Variants in ALG14 observed in about 807,000 individuals in gnomAD.
ALG14 encodes the protein UDP-N-acetylglucosamine transferase subunit ALG14.
A neutral mutation model predicts 22.8 loss-of-function variants in ALG14; 17 were observed. That is an observed-to-expected ratio of 0.75 (90% CI 0.51 to 1.12). The LOEUF is 1.12. ALG14 is among the 50% of genes most tolerant of loss of function. The pLI is 0.00. For missense variants in ALG14, 288 were observed against 271.8 expected (o/e 1.06, Z -0.42); for synonymous variants, 89 against 103.7 (o/e 0.86, Z 0.86).
At chr1:95,027,715 A>T (rs753993557) in intron 2 of ALG14, among the ~76,000 whole-genome samples, 7 of 152,210 alleles carry the variant, frequency 4.6e-5, no homozygotes, top group Non-Finnish European at 1.0e-4. Context: ...CGCCTACCTG[A>T]TTGGCAACGA....
intron 3 of ALG14, among the ~76,000 whole-genome samples, chr1:95,003,807 C>A (rs961115635): frequency 6.6e-6 from 1 of 151,916 alleles, no homozygotes; most frequent in Non-Finnish European, 1.5e-5. Flanking sequence ...AAATATAGCA[C>A]TTTTGTTTTC....
Position 95,018,497 on chromosome 1 carries a change from A to G in ALG14, c.420+8632T>C, listed in dbSNP as rs181164705. Among the ~76,000 whole-genome samples, 23 of 152,120 alleles carry G rather than the reference A, an allele frequency of 1.5e-4. No homozygotes were observed. In the East Asian group the frequency reaches 2.7e-3, roughly 18 times the overall value. Reference sequence around the variant, plus strand: ...GTTGCAGTAAGCCGAGCTCATGTCAATGCACTCCAGCCTGGGTGACAGAGC... The same window carrying G: ...GTTGCAGTAAGCCGAGCTCATGTCAGTGCACTCCAGCCTGGGTGACAGAGC... On this transcript the variant is annotated intron_variant, in intron 3 of 3. Coordinates refer to ENST00000370205, the MANE Select transcript of ALG14 (RefSeq NM_144988.4).
chr1:95,009,082 T>C (rs1673293494), intron 3 of ALG14, among the ~76,000 whole-genome samples: 1 of 152,132 alleles, frequency 6.6e-6, no homozygotes. Flanking sequence ...GTTTCTACCT[T>C]TTGACTTGTG....
intron 2 of ALG14, among the ~76,000 whole-genome samples, chr1:95,045,858 AG>A (rs1674532325): frequency 6.7e-6 from 1 of 148,798 alleles, no homozygotes; most frequent in Non-Finnish European, 1.5e-5. Flanking sequence ...TAATAGAATT[AG>A]TATACTAATA....
At chr1:95,068,553 T>C (rs1228172852) in intron 1 of ALG14, among the ~76,000 whole-genome samples, 1 of 152,114 alleles carries the variant, frequency 6.6e-6, no homozygotes, top group Non-Finnish European at 1.5e-5. Flanking sequence ...GCCTCCCAAA[T>C]TGCTGGGATT....
chr1:95,042,414 C>T (rs1674409275), intron 2 of ALG14, among the ~76,000 whole-genome samples: 1 of 152,126 alleles, frequency 6.6e-6, no homozygotes, highest in South Asian at 2.1e-4. Context: ...TTCTTGGCAC[C>T]ATGTCTTCTG....
intron 3 of ALG14, among the ~76,000 whole-genome samples, chr1:95,011,385 G>A (rs1307783642): frequency 1.3e-5 from 2 of 151,972 alleles, no homozygotes; most frequent in East Asian, 3.9e-4. Context: ...CCTTAACTGT[G>A]GACTTCCCAG....
intron 3 of ALG14, among the ~76,000 whole-genome samples, chr1:94,990,652 C>A (rs994717041): frequency 6.6e-6 from 1 of 152,198 alleles, no homozygotes; most frequent in Non-Finnish European, 1.5e-5. Context: ...TAGCCACTTG[C>A]CGATTTCTCT....
At chr1:95,050,705 T>C (rs961523782) in intron 2 of ALG14, among the ~76,000 whole-genome samples, 28 of 152,106 alleles carry the variant, frequency 1.8e-4, no homozygotes, top group African/African-American at 5.6e-4. Flanking sequence ...TTTCAGGGCC[T>C]CTAAAGGATG....
intron 3 of ALG14, among the ~76,000 whole-genome samples, chr1:95,017,030 G>A (rs1030905551): frequency 2.0e-5 from 3 of 147,170 alleles, no homozygotes; most frequent in Non-Finnish European, 4.5e-5. Context: ...CAAATATGTG[G>A]TCCCAATACT....
chr1:95,001,357 T>C (rs1026205677), intron 3 of ALG14, among the ~76,000 whole-genome samples: 1 of 152,182 alleles, frequency 6.6e-6, no homozygotes, highest in African/African-American at 2.4e-5. Flanking sequence ...GTGTGCTGGA[T>C]AGGGAAAAAC....
intron 3 of ALG14, among the ~76,000 whole-genome samples, chr1:95,003,884 AT>A (rs1673135355): frequency 2.0e-5 from 3 of 152,278 alleles, no homozygotes; most frequent in African/African-American, 4.8e-5. Context: ...TATAACATCC[AT>A]TTTTTGATTC....
intron 3 of ALG14, among the ~76,000 whole-genome samples, chr1:95,000,927 T>C (rs1039087201): frequency 6.6e-6 from 1 of 152,240 alleles, no homozygotes; most frequent in South Asian, 2.1e-4. Context: ...AAAATGGCAG[T>C]TAACACACAC....
At chr1:95,068,738 T>C (rs1437737466) in intron 1 of ALG14, among the ~76,000 whole-genome samples, 2 of 152,210 alleles carry the variant, frequency 1.3e-5, no homozygotes, top group Non-Finnish European at 2.9e-5. Flanking sequence ...TTGGCATGGT[T>C]CTTTCAGGCC....
At chr1:95,055,622 A>G (rs1571662682) in intron 2 of ALG14, among the ~76,000 whole-genome samples, 1 of 152,124 alleles carries the variant, frequency 6.6e-6, no homozygotes, top group East Asian at 1.9e-4. Context: ...AATTTAATGC[A>G]AATAAAGATA....
chr1:95,018,951 A>G (rs1451984122), intron 3 of ALG14, among the ~76,000 whole-genome samples: 1 of 152,266 alleles, frequency 6.6e-6, no homozygotes, highest in African/African-American at 2.4e-5. Context: ...TGGAACTTTA[A>G]GATGTAGACA....
intron 2 of ALG14, among the ~76,000 whole-genome samples, chr1:95,045,664 G>A (rs1674523051): frequency 6.9e-6 from 1 of 144,492 alleles, no homozygotes; most frequent in Non-Finnish European, 1.5e-5. Flanking sequence ...TAACAGAATG[G>A]TATACTAATA....
intron 2 of ALG14, among the ~76,000 whole-genome samples, chr1:95,050,911 G>A (rs1168259716): frequency 6.8e-6 from 1 of 147,716 alleles, no homozygotes; most frequent in Non-Finnish European, 1.5e-5. Context: ...TGTCACCCAG[G>A]CTGAAGTGCA....
At chr1:95,035,812 C>A (rs1674169111) in intron 2 of ALG14, 1 of 152,170 alleles carries the variant, frequency 6.6e-6, no homozygotes. Context: ...TGAAGTCATT[C>A]TTTGCTGTTA....
Sources: allele counts gnomAD v4.1 joint callset (sites outside exome capture counted in the v4.1 genomes callset), GRCh38; gene constraint gnomAD v4.1.1; transcripts MANE v1.5; gene names NCBI Gene and HGNC (gene_info 2026-07-23, HGNC 2026-07-21).